The following GREB1L variants were observed in gnomAD, a reference collection of about 807,000 sequenced individuals.
GREB1L encodes GREB1-like protein.
GREB1L carries 17 observed loss-of-function variants against 200.8 expected under a neutral mutation model. The observed-to-expected ratio is 0.08, with a 90% CI of 0.06 to 0.13. The LOEUF (loss-of-function observed/expected upper bound fraction) is 0.13. Ranked by LOEUF, GREB1L falls within the 10% of genes least tolerant of loss-of-function variation. GREB1L has a pLI of 1.00. For synonymous variants in GREB1L, 789 were observed against 893.0 expected (o/e 0.88, Z 2.08); for missense variants, 1,657 against 2,367.7 (o/e 0.70, Z 6.23).
At chr18:21,510,313 C>G (rs1198924802) in intron 27 of GREB1L, among the ~76,000 whole-genome samples, 5 of 152,134 alleles carry the variant, frequency 3.3e-5, no homozygotes, top group African/African-American at 1.2e-4. Flanking sequence ...TTCCAGAACT[C>G]TTTTCACCTT....
At chr18:21,254,556 A>G (rs1045648087) in intron 1 of GREB1L, among the ~76,000 whole-genome samples, 4 of 152,248 alleles carry the variant, frequency 2.6e-5, no homozygotes, top group Admixed American at 2.6e-4. Flanking sequence ...CCAGTCTTAC[A>G]CTGTCAGCTG....
chr18:21,504,781 CTA>C (rs1040547272), intron 23 of GREB1L, among the ~76,000 whole-genome samples: 2 of 152,156 alleles, frequency 1.3e-5, no homozygotes, highest in African/African-American at 4.8e-5. Flanking sequence ...TTAATGCTTA[CTA>C]TAATCTGGGG....
At chr18:21,399,937 T>A (rs2041247690) in intron 5 of GREB1L, among the ~76,000 whole-genome samples, 1 of 152,222 alleles carries the variant, frequency 6.6e-6, no homozygotes, top group South Asian at 2.1e-4. Flanking sequence ...CTCTTCTCTA[T>A]TTATATATCT....
intron 1 of GREB1L, among the ~76,000 whole-genome samples, chr18:21,338,829 G>T (rs8098817): frequency 0.15 from 22,202 of 152,212 alleles, 3,493 homozygotes; most frequent in African/African-American, 0.39. Context: ...CAGAATGAAA[G>T]GTTATAAAGG....
chr18:21,292,892 G>A (rs1444251009), intron 1 of GREB1L, among the ~76,000 whole-genome samples: 1 of 152,206 alleles, frequency 6.6e-6, no homozygotes, highest in Non-Finnish European at 1.5e-5. Context: ...GAGAAGCAAG[G>A]AAGAGAGCAC....
intron 6 of GREB1L, among the ~76,000 whole-genome samples, chr18:21,403,131 CT>C (rs2041388199): frequency 6.6e-6 from 1 of 151,930 alleles, no homozygotes; most frequent in Admixed American, 6.6e-5. Context: ...ATTTATATTC[CT>C]TTTTCACATG....
chr18:21,345,683 G>A (rs541069165), intron 1 of GREB1L, among the ~76,000 whole-genome samples: 1 of 152,058 alleles, frequency 6.6e-6, no homozygotes, highest in East Asian at 1.9e-4. Context: ...GACCAGCCTG[G>A]CCAACATGGT....
chr18:21,364,310 G>T (rs1457407569), intron 1 of GREB1L, among the ~76,000 whole-genome samples: 1 of 152,026 alleles, frequency 6.6e-6, no homozygotes, highest in African/African-American at 2.4e-5. Flanking sequence ...AATTGTTATT[G>T]ATCTGTCAGA....
chr18:21,504,199 C>T (rs1320354060), intron 23 of GREB1L, among the ~76,000 whole-genome samples: 1 of 152,208 alleles, frequency 6.6e-6, no homozygotes, highest in African/African-American at 2.4e-5. Flanking sequence ...GCTGAGATTA[C>T]AGGTGTGAGC....
At chr18:21,423,734 C>T (rs1374710359) in intron 7 of GREB1L, among the ~76,000 whole-genome samples, 4 of 152,088 alleles carry the variant, frequency 2.6e-5, no homozygotes, top group Non-Finnish European at 2.9e-5. Context: ...TGGTAGCCCA[C>T]GCTTTTGGTC....
At chr18:21,255,574 C>G (rs1225677926) in intron 1 of GREB1L, among the ~76,000 whole-genome samples, 1 of 151,994 alleles carries the variant, frequency 6.6e-6, no homozygotes, top group Non-Finnish European at 1.5e-5. Context: ...AGGAATAGGC[C>G]CTGAGCCACT....
At chr18:21,426,413 G>A (rs1172666404) in intron 7 of GREB1L, among the ~76,000 whole-genome samples, 1 of 152,154 alleles carries the variant, frequency 6.6e-6, no homozygotes, top group African/African-American at 2.4e-5. Flanking sequence ...TCTTTTGCCT[G>A]TGGATATCCA....
chr18:21,496,621 G>C lies in GREB1L; in HGVS notation c.3314G>C (p.Ser1105Thr), dbSNP rs1303494044. 4.5e-6 allele frequency: 7 copies of C among 1,551,598 alleles called. No individual in the cohort carries two copies. The highest frequency in any genetic ancestry group is 6.1e-6 in the Non-Finnish European group (7 of 1,147,012). Residue 1105 changes from serine to threonine, a missense_variant, in exon 21 of 33, where the codon AGT (serine) becomes ACT (threonine). Ser to Thr is a moderately conservative substitution (Grantham distance 58, BLOSUM62 1). This residue lies in a region of GREB1L where 512 missense variants were observed against 668.3 expected (regional missense o/e 0.77). Transcript: ENST00000424526. ...AAGGAGCAGGAGAGAGCTGCTGTCA[G>C]TGAGAATGACTCCGATGAGCTGCTC... Reference protein sequence around the residue: ...SGKEQERAAVSENDSDELLID... With the variant: ...SGKEQERAAVTENDSDELLID...
chr18:21,503,481 C>T (rs1362839776), intron 23 of GREB1L, among the ~76,000 whole-genome samples: 2 of 151,964 alleles, frequency 1.3e-5, no homozygotes, highest in Admixed American at 6.6e-5. Context: ...GCTGGGATTA[C>T]AGGTGTGAGC....
Position 21,392,777 on chromosome 18 carries a change from TA to T in GREB1L, c.356-2598del, listed in dbSNP as rs571811785. On this transcript the variant is annotated intron_variant, in intron 4 of 32. Transcript: ENST00000424526. ...AATTTAAATTTTAATTTTTTTTCTT[TA>T]AAAAAAAAATTTAGACAGGGTCTTG... Among the ~76,000 whole-genome samples the T allele has an allele frequency of 2.2e-4, 33 of 150,678 alleles. 1 individual carries two copies. The highest frequency in any genetic ancestry group is 6.3e-4 in the African/African-American group (26 of 41,078).
At chr18:21,401,962 T>G (rs1006896598) in intron 6 of GREB1L, 3 of 152,190 alleles carry the variant, frequency 2.0e-5, no homozygotes, top group African/African-American at 7.2e-5. Context: ...TGAGATTTTT[T>G]TCTCCATATA....
intron 1 of GREB1L, among the ~76,000 whole-genome samples, chr18:21,344,435 A>G (rs1212769665): frequency 1.3e-5 from 2 of 151,782 alleles, no homozygotes; most frequent in South Asian, 2.1e-4. Context: ...AACAACAACA[A>G]CTGCTTGATA....
chr18:21,445,433 C>T (rs943098704), intron 11 of GREB1L, among the ~76,000 whole-genome samples: 4 of 151,834 alleles, frequency 2.6e-5, no homozygotes, highest in African/African-American at 9.7e-5. Context: ...CAGATCACGT[C>T]ATTGCACTCC....
At chr18:21,298,086 A>G (rs1390083778) in intron 1 of GREB1L, among the ~76,000 whole-genome samples, 1 of 152,180 alleles carries the variant, frequency 6.6e-6, no homozygotes, top group Non-Finnish European at 1.5e-5. Context: ...GACAGCCCTC[A>G]AAAGGGAACC....
Sources: allele counts gnomAD v4.1 joint callset (sites outside exome capture counted in the v4.1 genomes callset), GRCh38; gene constraint gnomAD v4.1.1; regional missense constraint gnomAD v4.1.1; transcripts MANE v1.5; gene names NCBI Gene and HGNC (gene_info 2026-07-23, HGNC 2026-07-21).